CAPRIN1: variants seen among roughly 807,000 people sequenced by gnomAD.
CAPRIN1 encodes caprin-1.
In CAPRIN1, 29 loss-of-function variants were observed where a neutral mutation model predicts 100.9. That is an observed-to-expected ratio of 0.29 (90% CI 0.21 to 0.39). The LOEUF (loss-of-function observed/expected upper bound fraction) is 0.39, where lower values mean the gene tolerates loss of function less well. Among genes scored for constraint, CAPRIN1 ranks in the 10% least tolerant of loss-of-function variants. The pLI, the probability that CAPRIN1 is intolerant of heterozygous loss-of-function variation, is 1.00. For synonymous variants in CAPRIN1, 338 were observed against 307.5 expected, an observed-to-expected ratio of 1.10 and a Z score of -1.04; for missense variants, 795 against 876.7, an observed-to-expected ratio of 0.91 and a Z score of 1.18.
At position 34,091,923 on chromosome 11, in the gene CAPRIN1, C is replaced by A. The variant is rs377414079; in HGVS notation, c.1572C>A (p.Ala524=). 3.7e-6 allele frequency: 6 copies of A among 1,612,888 alleles called. No homozygotes were observed. ...ACTAACAGGTGTTCAATATGAATGCCCCAGTTCCTCCTGTTAATGAACCAG... is the reference window on the plus strand; with the variant it reads ...ACTAACAGGTGTTCAATATGAATGCACCAGTTCCTCCTGTTAATGAACCAG... ...QSMQTVFNMN[A]PVPPVNEPET... is the part of the protein sequence containing the mutation. Residue 524 remains alanine (A), a synonymous_variant, in exon 15 of 19, where the codon GCC becomes GCA. Coordinates refer to ENST00000341394, the MANE Select transcript of CAPRIN1 (RefSeq NM_005898.5).
Position 34,090,277 on chromosome 11 carries a change from T to C in CAPRIN1, c.1392T>C (p.Ile464=), listed in dbSNP as rs540455090. 4.3e-6 allele frequency: 7 copies of C among 1,612,390 alleles called. No homozygotes were observed. The South Asian group carries it at 7.7e-5, about 18-fold the overall frequency. Residue 464 remains isoleucine (I), a synonymous_variant, in exon 13 of 19, where the codon ATT becomes ATC. Transcript: ENST00000341394. The part of the protein sequence containing the change: ...ATEQRPQKEP[I]DQIQATISLN... ...AGCAACGACCACAGAAGGAACCAAT[T>C]GATCAGATTCAGGCAAGTTCTGTTA...
Position 34,086,049 on chromosome 11 carries a change from T to G in CAPRIN1, c.967-15T>G, listed in dbSNP as rs1008930453. ...TGCTCTCCTATTCCTTCTAATCCTT[T>G]TTTTTCTACCTTAGGTGGTAAATTC... On this transcript the variant is annotated splice_polypyrimidine_tract_variant and intron_variant, in intron 9 of 18. Transcript: ENST00000341394. The G allele has an allele frequency of 2.5e-6, 4 of 1,612,126 alleles. No homozygotes were observed. Among genetic ancestry groups the G allele is most frequent in the Non-Finnish European group, 2.5e-6 (3 of 1,179,366 alleles).
intron 2 of CAPRIN1, among the ~76,000 whole-genome samples, chr11:34,070,139 T>C (rs1850780839): frequency 6.6e-6 from 1 of 152,158 alleles, no homozygotes; most frequent in Non-Finnish European, 1.5e-5. Context: ...ACAATAATAA[T>C]AGTTTGTGAC....
At chr11:34,096,712 T>A in intron 16 of CAPRIN1, 39 bp downstream of exon 16, 1 of 1,458,324 alleles carries the variant, frequency 6.9e-7, no homozygotes, top group Non-Finnish European at 9.4e-7. Context: ...GACCTTTTAC[T>A]AGTTCAAATT....
intron 18 of CAPRIN1, chr11:34,098,518 T>TTTC (rs1224126037): frequency 1.0e-6 from 1 of 985,260 alleles, no homozygotes; most frequent in Non-Finnish European, 1.2e-6. Context: ...ATCAAACAGG[T>TTTC]TTCCTCTATT....
rs765515377 is a variant in CAPRIN1, at chr11:34,086,293, C to T, written c.1123-12C>T. ...ATTATTTGACTTTATTCTATCCTAA[C>T]TTAACCTGTAGGATTCAATGCTGGA... On this transcript the variant is annotated splice_polypyrimidine_tract_variant and intron_variant, in intron 10 of 18. Transcript: ENST00000341394. The T allele has an allele frequency of 6.2e-7, 1 of 1,608,378 alleles. No individual in the cohort carries two copies. Among genetic ancestry groups the T allele is most frequent in the Non-Finnish European group, 8.5e-7 (1 of 1,175,112 alleles).
Position 34,071,966 on chromosome 11 carries a change from T to G in CAPRIN1, c.345T>G (p.Ser115Arg). 1 of 1,609,372 alleles carries G rather than the reference T, an allele frequency of 6.2e-7. No homozygotes were observed. Among genetic ancestry groups the G allele is most frequent in the African/African-American group, 1.3e-5 (1 of 74,806 alleles). ...AGTTTGCAAAAGAATTACAGAGGAG[T>G]TTCATGGCACTAAGTCAAGATGTAA... ...NLEFAKELQR[S>R]FMALSQDIQK... Residue 115 changes from serine (S) to arginine (R), a missense_variant, in exon 4 of 19, where the codon AGT becomes AGG. By Grantham distance (110) the Ser-to-Arg change is moderately radical. Transcript: ENST00000341394.
intron 4 of CAPRIN1, 99 bp from the exon 5 acceptor site, chr11:34,076,137 C>A (rs1240787796): frequency 2.7e-6 from 2 of 745,278 alleles, no homozygotes; most frequent in African/African-American, 1.8e-5. Flanking sequence ...ATATCTCACT[C>A]ATTGAGTAAA....
At chr11:34,079,905 G>GTTTTTTTT (rs377455073) in intron 7 of CAPRIN1, 140 bp downstream of exon 7, 3 of 316,652 alleles carry the variant, frequency 9.5e-6, no homozygotes, top group African/African-American at 8.7e-5. Flanking sequence ...GCATGACAAA[G>GTTTTTTTT]TTTTTTTTTT....
At chr11:34,078,850 CTT>C (rs1850956601) in intron 6 of CAPRIN1, among the ~76,000 whole-genome samples, 3 of 152,282 alleles carry the variant, frequency 2.0e-5, no homozygotes, top group African/African-American at 7.2e-5. Flanking sequence ...CTAGGGAAAC[CTT>C]TTGTGGCCTC....
At chr11:34,059,170 T>G (rs1409921259) in intron 2 of CAPRIN1, among the ~76,000 whole-genome samples, 4 of 152,158 alleles carry the variant, frequency 2.6e-5, no homozygotes, top group Non-Finnish European at 5.9e-5. Context: ...TCAAACTTCC[T>G]GAGGAAAGGG....
At chr11:34,062,855 T>C (rs1420066582) in intron 2 of CAPRIN1, among the ~76,000 whole-genome samples, 2 of 152,180 alleles carry the variant, frequency 1.3e-5, no homozygotes, top group East Asian at 3.8e-4. Context: ...TTACGAAGTT[T>C]TCCTGGAAAG....
intron 9 of CAPRIN1, among the ~76,000 whole-genome samples, chr11:34,083,498 A>G (rs1851073490): frequency 6.6e-6 from 1 of 151,830 alleles, no homozygotes; most frequent in African/African-American, 2.4e-5. Flanking sequence ...TAGTTCAGTG[A>G]CTCTCTTCAT....
Position 34,078,430 on chromosome 11 carries a change from T to G in CAPRIN1, c.689-1198T>G, listed in dbSNP as rs1850946745. On this transcript the variant is annotated intron_variant, in intron 6 of 18. Coordinates refer to ENST00000341394, the MANE Select transcript of CAPRIN1 (RefSeq NM_005898.5). Reference sequence around the variant, plus strand: ...ACATCTCCCCCTCTGCCCTGCACTTTTAAAAAATACCCTGGTACACCAAAT... The same window carrying G: ...ACATCTCCCCCTCTGCCCTGCACTTGTAAAAAATACCCTGGTACACCAAAT... 2.0e-5 allele frequency among the ~76,000 whole-genome samples: 3 copies of G among 152,214 alleles called. No individual in the cohort carries two copies. In the South Asian group the frequency reaches 6.2e-4, roughly 32 times the overall value.
At chr11:34,070,619 C>T (rs1427280616) in intron 2 of CAPRIN1, among the ~76,000 whole-genome samples, 16 of 152,152 alleles carry the variant, frequency 1.1e-4, no homozygotes, top group Non-Finnish European at 2.4e-4. Context: ...TGGTCTTAAT[C>T]TCCTGACCTC....
intron 15 of CAPRIN1, chr11:34,095,676 C>T (rs1851356043): frequency 6.6e-6 from 1 of 152,194 alleles, no homozygotes. Flanking sequence ...TTCCTCACCT[C>T]CCAAAGGTAC....
At position 34,090,168 on chromosome 11, in the gene CAPRIN1, C is replaced by T. The variant is rs1565096362; in HGVS notation, c.1294-11C>T. On this transcript the variant is annotated splice_polypyrimidine_tract_variant and intron_variant, in intron 12 of 18. Coordinates refer to ENST00000341394, the MANE Select transcript of CAPRIN1 (RefSeq NM_005898.5). ...GCAGGAAGAAGCTTTTATTTCTTTA[C>T]TTATGTCTAGGTTCCTTTGGTATCA... 5 of 1,558,626 alleles carry T rather than the reference C, an allele frequency of 3.2e-6. No individual in the cohort carries two copies. Among genetic ancestry groups the T allele is most frequent in the African/African-American group, 1.4e-5 (1 of 73,668 alleles).
At chr11:34,076,732 A>T in intron 6 of CAPRIN1, 90 bp downstream of exon 6, 2 of 916,028 alleles carry the variant, frequency 2.2e-6, no homozygotes, top group Non-Finnish European at 3.4e-6. Flanking sequence ...GAAGAAAAAA[A>T]TTAGTTTTTT....
chr11:34,086,284 C>G, intron 10 of CAPRIN1, 21 bp from the exon 11 acceptor site: 1 of 1,607,194 alleles, frequency 6.2e-7, no homozygotes, highest in Non-Finnish European at 8.5e-7. Flanking sequence ...TGACTTTATT[C>G]TATCCTAACT....
Sources: gnomAD v4.1 joint callset for allele counts (sites outside exome capture counted in the v4.1 genomes callset) on GRCh38, gnomAD v4.1.1 for gene constraint, MANE v1.5 for transcripts, NCBI Gene and HGNC (gene_info 2026-07-23, HGNC 2026-07-21) for gene names.